The following XRN2 variants were observed in gnomAD, a reference collection of about 807,000 sequenced individuals.
XRN2 encodes DHM1-like protein.
In XRN2, 44 loss-of-function variants were observed where a neutral mutation model predicts 138.5. The observed-to-expected ratio is 0.32, with a 90% CI of 0.25 to 0.41. XRN2 has a LOEUF of 0.41. XRN2 is among the 10% of genes least tolerant of loss of function. The probability of loss-of-function intolerance (pLI) is 1.00; values close to 1 mark genes in which losing one functional copy is unlikely to be tolerated. For synonymous variants in XRN2, 354 were observed against 369.4 expected, an observed-to-expected ratio of 0.96 and a Z score of 0.48; for missense variants, 937 against 1,169.3, an observed-to-expected ratio of 0.80 and a Z score of 2.90.
intron 3 of XRN2, 36 bp downstream of exon 3, chr20:21,326,637 T>C (rs1284255488): frequency 6.5e-7 from 1 of 1,546,592 alleles, no homozygotes; most frequent in East Asian, 2.3e-5. Context: ...TCCATTTTGT[T>C]TTTTTTTGCT....
intron 16 of XRN2, among the ~76,000 whole-genome samples, chr20:21,345,034 G>A (rs1010057479): frequency 6.6e-6 from 1 of 152,192 alleles, no homozygotes; most frequent in African/African-American, 2.4e-5. Flanking sequence ...CTTTGCAAGG[G>A]TCACGTGTGG....
intron 15 of XRN2, among the ~76,000 whole-genome samples, chr20:21,341,392 A>G (rs952292100): frequency 3.3e-5 from 5 of 152,198 alleles, no homozygotes; most frequent in Non-Finnish European, 7.3e-5. Context: ...ATCTAAATAA[A>G]TATCTTAAGG....
At chr20:21,314,776 C>T (rs1042374601) in intron 1 of XRN2, among the ~76,000 whole-genome samples, 5 of 152,148 alleles carry the variant, frequency 3.3e-5, no homozygotes, top group Non-Finnish European at 7.4e-5. Context: ...AATTTTTCCA[C>T]ATTTTTGCTG....
At chr20:21,318,605 G>C (rs1175220821) in intron 1 of XRN2, among the ~76,000 whole-genome samples, 1 of 151,806 alleles carries the variant, frequency 6.6e-6, no homozygotes, top group Admixed American at 6.6e-5. Flanking sequence ...ATTTCCATGT[G>C]AACACTGCTT....
At chr20:21,366,234 T>C (rs1267994339) in intron 26 of XRN2, among the ~76,000 whole-genome samples, 1 of 135,562 alleles carries the variant, frequency 7.4e-6, no homozygotes, top group Non-Finnish European at 1.5e-5. Flanking sequence ...ATATATATTA[T>C]ATATATAAAC....
intron 1 of XRN2, among the ~76,000 whole-genome samples, chr20:21,323,176 A>G (rs1220607647): frequency 2.0e-5 from 3 of 152,090 alleles, no homozygotes; most frequent in Non-Finnish European, 4.4e-5. Context: ...CTCTTCTCAC[A>G]TGTTGGAGGT....
intron 15 of XRN2, among the ~76,000 whole-genome samples, chr20:21,342,720 A>G (rs549750958): frequency 6.6e-6 from 1 of 152,346 alleles, no homozygotes; most frequent in African/African-American, 2.4e-5. Flanking sequence ...GTATTGATGC[A>G]TTTAATCCTT....
chr20:21,310,049 T>G (rs1733651077), intron 1 of XRN2, among the ~76,000 whole-genome samples: 1 of 152,252 alleles, frequency 6.6e-6, no homozygotes, highest in African/African-American at 2.4e-5. Flanking sequence ...GGTCATTGTT[T>G]TGAGACATTT....
At chr20:21,338,338 T>G (rs1251159580) in intron 13 of XRN2, among the ~76,000 whole-genome samples, 1 of 152,144 alleles carries the variant, frequency 6.6e-6, no homozygotes, top group African/African-American at 2.4e-5. Flanking sequence ...AAATTCTGTC[T>G]AGTTGAAACC....
chr20:21,305,168 T>G (rs1371494510), intron 1 of XRN2, among the ~76,000 whole-genome samples: 1 of 152,248 alleles, frequency 6.6e-6, no homozygotes, highest in African/African-American at 2.4e-5. Flanking sequence ...GTAGGCTTGC[T>G]GGAAAGCTGC....
chr20:21,348,668 C>T lies in XRN2; in HGVS notation c.1863+238C>T, dbSNP rs145407767. On this transcript the variant is annotated intron_variant, in intron 19 of 29. Transcript: ENST00000377191. ...TTTTTTTGTTTGTTTGTTTGTAAGA[C>T]GGAGTCTTGCACTGTTGCCCAGGCT... Among the ~76,000 whole-genome samples the T allele has an allele frequency of 4.6e-5, 7 of 152,138 alleles. No individual in the cohort carries two copies. The East Asian group carries it at 5.8e-4, about 13-fold the overall frequency.
intron 20 of XRN2, among the ~76,000 whole-genome samples, chr20:21,354,465 A>C (rs898539327): frequency 2.0e-5 from 3 of 152,204 alleles, no homozygotes; most frequent in Admixed American, 6.5e-5. Flanking sequence ...CTTAGTAACT[A>C]AAGTGAGAAT....
intron 1 of XRN2, among the ~76,000 whole-genome samples, chr20:21,325,376 G>C (rs968824260): frequency 1.3e-5 from 2 of 152,168 alleles, no homozygotes; most frequent in African/African-American, 4.8e-5. Context: ...ATCTTTTGAG[G>C]AACTCAATGT....
chr20:21,382,158 C>CT (rs990853628), intron 28 of XRN2, 101 bp downstream of exon 28: 4 of 933,270 alleles, frequency 4.3e-6, no homozygotes, highest in Non-Finnish European at 6.2e-6. Flanking sequence ...TTGAAATGTA[C>CT]TTTTTCCCAC....
chr20:21,356,717 G>A, intron 23 of XRN2, 52 bp downstream of exon 23: 1 of 1,476,012 alleles, frequency 6.8e-7, no homozygotes, highest in South Asian at 1.2e-5. Context: ...GTTTAGTTAG[G>A]ATTTTTTTCC....
intron 26 of XRN2, among the ~76,000 whole-genome samples, chr20:21,367,518 CTT>C (rs560407810): frequency 2.1e-5 from 3 of 144,336 alleles, no homozygotes; most frequent in Non-Finnish European, 3.1e-5. Context: ...ATTCAGATAC[CTT>C]TTTTTTTTTT....
At chr20:21,353,412 A>C (rs530661822) in intron 20 of XRN2, among the ~76,000 whole-genome samples, 1 of 151,100 alleles carries the variant, frequency 6.6e-6, no homozygotes, top group South Asian at 2.1e-4. Context: ...AGCCTGACTC[A>C]CATGTTAGGT....
chr20:21,339,671 A>G (rs977566258), intron 14 of XRN2, among the ~76,000 whole-genome samples: 1 of 152,216 alleles, frequency 6.6e-6, no homozygotes, highest in Non-Finnish European at 1.5e-5. Flanking sequence ...TTTGCAGCTC[A>G]CTGACATCAT....
intron 20 of XRN2, among the ~76,000 whole-genome samples, chr20:21,352,376 G>A (rs1289775462): frequency 6.6e-6 from 1 of 151,882 alleles, no homozygotes; most frequent in Non-Finnish European, 1.5e-5. Context: ...TGCCCAGGCT[G>A]GAGTGCAGTG....
Sources: allele counts gnomAD v4.1 joint callset (sites outside exome capture counted in the v4.1 genomes callset), GRCh38; gene constraint gnomAD v4.1.1; transcripts MANE v1.5; gene names NCBI Gene and HGNC (gene_info 2026-07-23, HGNC 2026-07-21).